Variants in VAC14 observed in about 807,000 individuals in gnomAD.
The protein encoded by VAC14 is protein VAC14 homolog.
In VAC14, 47 loss-of-function variants were observed where a neutral mutation model predicts 85.3. The observed-to-expected ratio is 0.55, with a 90% CI of 0.44 to 0.70. The LOEUF is 0.70. VAC14 is among the 30% of genes least tolerant of loss of function. The probability of loss-of-function intolerance (pLI) is 0.00; values close to 1 mark genes in which losing one functional copy is unlikely to be tolerated. For synonymous variants in VAC14, 447 were observed against 430.5 expected (o/e 1.04, Z -0.47); for missense variants, 861 against 1,004.3 (o/e 0.86, Z 1.93).
intron 1 of VAC14, among the ~76,000 whole-genome samples, chr16:70,794,250 C>A (rs969744626): frequency 6.6e-6 from 1 of 152,136 alleles, no homozygotes; most frequent in East Asian, 1.9e-4. Context: ...CATTTTTTTA[C>A]CATCCCCAAA....
At chr16:70,688,375 C>G in intron 18 of VAC14, 1 of 1,093,616 alleles carries the variant, frequency 9.1e-7, no homozygotes, top group Non-Finnish European at 1.1e-6. Context: ...CATTGGGAAG[C>G]ATTTCCTGTT....
chr16:70,747,526 A>T (rs569580574), intron 12 of VAC14: 8 of 152,174 alleles, frequency 5.3e-5, no homozygotes, highest in Admixed American at 3.9e-4. Flanking sequence ...CAAAACCCTA[A>T]ATCAGCAACC....
At chr16:70,773,427 C>G (rs1333598834) in intron 9 of VAC14, among the ~76,000 whole-genome samples, 1 of 152,136 alleles carries the variant, frequency 6.6e-6, no homozygotes, top group African/African-American at 2.4e-5. Flanking sequence ...AAATTCCAAC[C>G]TTTTTCTTTT....
intron 12 of VAC14, among the ~76,000 whole-genome samples, chr16:70,757,622 GA>G (rs974877715): frequency 6.6e-6 from 1 of 152,252 alleles, no homozygotes; most frequent in African/African-American, 2.4e-5. Context: ...AGACAGGCAG[GA>G]AAACAGAGAG....
chr16:70,751,459 GC>G (rs1463363205), intron 12 of VAC14, among the ~76,000 whole-genome samples: 12 of 152,362 alleles, frequency 7.9e-5, no homozygotes, highest in Non-Finnish European at 4.4e-5. Context: ...GTCAGGTCCA[GC>G]AGCTACTTCT....
chr16:70,721,241 G>A (rs17307464), intron 14 of VAC14, among the ~76,000 whole-genome samples: 62,729 of 151,752 alleles, frequency 0.41, 13,994 homozygotes, highest in Non-Finnish European at 0.5. Context: ...CAGAAAGGAC[G>A]TATAGATTGA....
At chr16:70,737,334 C>G (rs2054789751) in intron 13 of VAC14, among the ~76,000 whole-genome samples, 1 of 152,174 alleles carries the variant, frequency 6.6e-6, no homozygotes. Flanking sequence ...AGGGGTGCCA[C>G]TGAGGCACAG....
Position 70,700,793 on chromosome 16 carries a change from G to A in VAC14, c.1662-1982C>T, listed in dbSNP as rs1445068596. Among the ~76,000 whole-genome samples, 4 of 152,226 alleles carry A rather than the reference G, an allele frequency of 2.6e-5. No homozygotes were observed. In the East Asian group the frequency reaches 5.8e-4, roughly 22 times the overall value. On this transcript the variant is annotated intron_variant, in intron 14 of 18. Transcript: ENST00000261776. ...GAAGGGCAGGCACAGGAGGAAGGGG[G>A]GCGTTCTGACAAATGGTCACAAGTG...
At chr16:70,716,362 C>A (rs111725144) in intron 14 of VAC14, 2,230 of 152,364 alleles carry the variant, frequency 0.015, 63 homozygotes, top group African/African-American at 0.052. Flanking sequence ...GACCCCTGTT[C>A]CCCAGCCAGG....
At chr16:70,761,403 A>G (rs1266622974) in intron 12 of VAC14, 6 of 199,140 alleles carry the variant, frequency 3.0e-5, no homozygotes, top group South Asian at 7.2e-5. Flanking sequence ...CAGAAGAGGA[A>G]AGTGGGCTGA....
At position 70,744,165 on chromosome 16, in the gene VAC14, T is replaced by C. The variant is rs547522236; in HGVS notation, c.1528+258A>G. On this transcript the variant is annotated intron_variant, in intron 13 of 18. Transcript: ENST00000261776. ...CCCAGATGGTTTTATGTTTAGCCAA[T>C]GGCTCAAAAGCATCAAAGGTGCAGG... Among the ~76,000 whole-genome samples the C allele has an allele frequency of 2.0e-5, 3 of 152,214 alleles. No individual in the cohort carries two copies. The South Asian group carries it at 6.2e-4, about 32-fold the overall frequency.
intron 12 of VAC14, among the ~76,000 whole-genome samples, chr16:70,748,838 C>G (rs995141888): frequency 6.6e-6 from 1 of 152,142 alleles, no homozygotes; most frequent in African/African-American, 2.4e-5. Context: ...CCTAGCTACT[C>G]GGGAGGCTGA....
At position 70,718,583 on chromosome 16, in the gene VAC14, A is replaced by AC. The variant is rs2054217574; in HGVS notation, c.1661+12911_1661+12912insG. On this transcript the variant is annotated intron_variant, in intron 14 of 18. Coordinates refer to ENST00000261776, the MANE Select transcript of VAC14 (RefSeq NM_018052.5). ...AATGAGACTCCTTTTTAAAAAAAAA[A>AC]AAAACAAAAAAACAAAGAAAACTGT... Among the ~76,000 whole-genome samples the AC allele has an allele frequency of 3.3e-5, 5 of 151,548 alleles. No homozygotes were observed. In the South Asian group the frequency reaches 1.0e-3, roughly 32 times the overall value.
At chr16:70,692,417 C>T (rs2053614282) in intron 18 of VAC14, among the ~76,000 whole-genome samples, 1 of 152,100 alleles carries the variant, frequency 6.6e-6, no homozygotes, top group African/African-American at 2.4e-5. Context: ...GGGAGGTGCC[C>T]AGCACAGACA....
chr16:70,766,333 C>A, intron 10 of VAC14: 1 of 376,472 alleles, frequency 2.7e-6, no homozygotes, highest in South Asian at 1.9e-5. Flanking sequence ...CCTGTGGGGC[C>A]TCTCCTGCAA....
At chr16:70,746,469 C>T (rs967621662) in intron 12 of VAC14, among the ~76,000 whole-genome samples, 3 of 152,204 alleles carry the variant, frequency 2.0e-5, no homozygotes, top group African/African-American at 4.8e-5. Context: ...CACCCCTGCC[C>T]GTGGCCTGGC....
chr16:70,758,084 A>G (rs1038369358), intron 12 of VAC14, among the ~76,000 whole-genome samples: 1 of 152,106 alleles, frequency 6.6e-6, no homozygotes, highest in African/African-American at 2.4e-5. Flanking sequence ...AGTACTCATC[A>G]TAAGTGAATA....
chr16:70,727,244 G>C (rs1473280263), intron 14 of VAC14, among the ~76,000 whole-genome samples: 2 of 152,260 alleles, frequency 1.3e-5, no homozygotes, highest in Non-Finnish European at 2.9e-5. Context: ...AACAGCTAAA[G>C]AGGGGGTTAA....
chr16:70,746,493 A>G (rs1366267153), intron 12 of VAC14, among the ~76,000 whole-genome samples: 1 of 152,108 alleles, frequency 6.6e-6, no homozygotes, highest in Non-Finnish European at 1.5e-5. Flanking sequence ...CAGAGTGGAG[A>G]GCTGATGAAT....
Sources: allele counts gnomAD v4.1 joint callset (sites outside exome capture counted in the v4.1 genomes callset), GRCh38; gene constraint gnomAD v4.1.1; transcripts MANE v1.5; gene names NCBI Gene and HGNC (gene_info 2026-07-23, HGNC 2026-07-21).